The following AGBL3 variants were observed in gnomAD, a reference collection of about 807,000 sequenced individuals.
AGBL3 encodes the protein AGBL carboxypeptidase 3.
Under a neutral mutation model 94.5 loss-of-function variants are expected in AGBL3, and 68 were observed. That is an observed-to-expected ratio of 0.72 (90% CI 0.59 to 0.88). The LOEUF (loss-of-function observed/expected upper bound fraction) is 0.88. Among genes scored for constraint, AGBL3 ranks in the 40% least tolerant of loss-of-function variants. The probability of loss-of-function intolerance (pLI) is 0.00; values close to 1 mark genes in which losing one functional copy is unlikely to be tolerated. For missense variants in AGBL3, 934 were observed against 1,103.8 expected (o/e 0.85, Z 2.18); for synonymous variants, 354 against 370.7 (o/e 0.95, Z 0.52).
chr7:135,051,019 C>A (rs1316321090), intron 11 of AGBL3: 3 of 442,934 alleles, frequency 6.8e-6, no homozygotes, highest in Non-Finnish European at 9.0e-6. Context: ...TCACTACCCA[C>A]AGAGAACTGA....
At chr7:135,094,508 G>A in intron 15 of AGBL3, 1 of 456,644 alleles carries the variant, frequency 2.2e-6, no homozygotes, top group Non-Finnish European at 4.4e-6. Context: ...CTTGTCTGGA[G>A]CTTCATTTTT....
chr7:135,088,900 G>A (rs918273703), intron 15 of AGBL3, among the ~76,000 whole-genome samples: 8 of 152,074 alleles, frequency 5.3e-5, no homozygotes, highest in African/African-American at 1.7e-4. Flanking sequence ...TCCTGGATCT[G>A]GATCTCATAT....
At chr7:135,028,665 A>G (rs1815408260) in intron 5 of AGBL3, among the ~76,000 whole-genome samples, 1 of 152,152 alleles carries the variant, frequency 6.6e-6, no homozygotes, top group African/African-American at 2.4e-5. Flanking sequence ...TTCTGTTAAT[A>G]TTGGCATTTT....
intron 4 of AGBL3, among the ~76,000 whole-genome samples, chr7:135,012,683 A>G (rs1322737640): frequency 1.3e-5 from 2 of 152,150 alleles, no homozygotes; most frequent in South Asian, 2.1e-4. Flanking sequence ...AAGAAACCCA[A>G]TGAGGGTAAG....
In AGBL3 at chr7:135,034,410, T is replaced by C; in HGVS notation, c.819T>C (p.Asp273=). 6.4e-7 allele frequency: 1 copy of C among 1,551,730 alleles called. No individual in the cohort carries two copies. Among genetic ancestry groups the C allele is most frequent in the Non-Finnish European group, 8.7e-7 (1 of 1,146,990 alleles). ...ATTATAGGAACAACCCAGGCCAAGA[T>C]GGGCGCCATTATTTCTCTCTTACAT... ...IKYYRNNPGQ[D]GRHYFSLTWT... is the part of the protein sequence containing the mutation. Residue 273 remains aspartate (D), a synonymous_variant, in exon 7 of 17, where the codon GAT becomes GAC. Transcript: ENST00000436302.
At chr7:135,039,243 C>A (rs1816605327) in intron 8 of AGBL3, among the ~76,000 whole-genome samples, 1 of 151,984 alleles carries the variant, frequency 6.6e-6, no homozygotes, top group Non-Finnish European at 1.5e-5. Flanking sequence ...TAAACTAAAT[C>A]AATAAAAGAG....
Position 135,032,943 on chromosome 7 carries a change from C to A in AGBL3, c.518C>A (p.Ala173Glu). The change falls in exon 6 of 17, where the codon GCA (alanine) becomes GAA (glutamate). Residue 173 changes from alanine to glutamate, a missense_variant. Ala to Glu is a moderately radical substitution (Grantham distance 107). Transcript: ENST00000436302. ...DYRDNTLMFE[A>E]RFESGNLQKV... Reference sequence around the variant, plus strand: ...CGTGACAATACTTTGATGTTTGAAGCAAGGTTTGAGAGTGGTAATCTACAG... The same window carrying A: ...CGTGACAATACTTTGATGTTTGAAGAAAGGTTTGAGAGTGGTAATCTACAG... 1.5e-5 allele frequency: 24 copies of A among 1,551,374 alleles called. No homozygotes were observed. The highest frequency in any genetic ancestry group is 2.1e-5 in the Non-Finnish European group (24 of 1,146,674).
intron 4 of AGBL3, among the ~76,000 whole-genome samples, chr7:135,000,780 T>C (rs1811618567): frequency 6.6e-6 from 1 of 152,160 alleles, no homozygotes; most frequent in African/African-American, 2.4e-5. Flanking sequence ...ATCCGAACAA[T>C]TTCTGGTCCA....
chr7:135,103,860 T>C (rs1824233120), intron 15 of AGBL3, among the ~76,000 whole-genome samples: 1 of 152,188 alleles, frequency 6.6e-6, no homozygotes. Context: ...GTAATTTTCT[T>C]CAACTGCTTC....
chr7:135,102,624 G>GT (rs1293996441), intron 15 of AGBL3, among the ~76,000 whole-genome samples: 4 of 111,418 alleles, frequency 3.6e-5, no homozygotes, highest in Admixed American at 9.2e-5. Context: ...TTTCTCTTGT[G>GT]GTTTTTTTTT....
intron 7 of AGBL3, among the ~76,000 whole-genome samples, chr7:135,035,923 T>C (rs1816259028): frequency 6.6e-6 from 1 of 152,114 alleles, no homozygotes; most frequent in South Asian, 2.1e-4. Flanking sequence ...AGTGGCTTTA[T>C]ATCAATCTTA....
chr7:135,006,152 AGAG>A (rs1235261740), intron 4 of AGBL3, among the ~76,000 whole-genome samples: 2 of 151,894 alleles, frequency 1.3e-5, no homozygotes, highest in Non-Finnish European at 3.0e-5. Context: ...AATACAGTGA[AGAG>A]GAGGAAAAAC....
rs1042011940 is a variant in AGBL3 at position 135,081,778 on chromosome 7, A to T, written c.2098A>T (p.Asn700Tyr). ...TGATTATTTCAGAAGACAATTACCT[A>T]ATCAAGGTTTGGGTGAGTAAAATAG... is the stretch of plus-strand genomic sequence containing the variant. ...MVDYFRRQLP[N>Y]QGLDLHHNLK... is the part of the protein sequence containing the mutation. Residue 700 changes from asparagine to tyrosine, a missense_variant, in exon 15 of 17, where the codon AAT becomes TAT. Coordinates refer to ENST00000436302, the MANE Select transcript of AGBL3 (RefSeq NM_178563.4). 13 of 1,536,022 alleles carry T rather than the reference A, an allele frequency of 8.5e-6. No individual in the cohort carries two copies. Among genetic ancestry groups the T allele is most frequent in the Admixed American group, 7.9e-5 (4 of 50,846 alleles).
intron 5 of AGBL3, among the ~76,000 whole-genome samples, chr7:135,031,148 A>G (rs1815698595): frequency 1.3e-5 from 2 of 151,944 alleles, no homozygotes; most frequent in African/African-American, 4.8e-5. Context: ...GCTGAATTTT[A>G]TATGTATTCA....
At chr7:135,012,447 T>C (rs759397388) in intron 4 of AGBL3, 3 of 152,158 alleles carry the variant, frequency 2.0e-5, no homozygotes, top group Non-Finnish European at 4.4e-5. Flanking sequence ...GATAAATCAG[T>C]AAGCTGTAGT....
chr7:135,068,342 C>G (rs947297092), intron 12 of AGBL3, among the ~76,000 whole-genome samples: 1 of 152,178 alleles, frequency 6.6e-6, no homozygotes, highest in African/African-American at 2.4e-5. Flanking sequence ...CTTCCCCAAT[C>G]TAGCAAGGCG....
At position 135,034,811 on chromosome 7, in the gene AGBL3, G is replaced by A; in HGVS notation, c.1220G>A (p.Gly407Asp). 2 of 1,552,232 alleles carry A rather than the reference G, an allele frequency of 1.3e-6. No individual in the cohort carries two copies. Among genetic ancestry groups the A allele is most frequent in the South Asian group, 1.2e-5 (1 of 84,056 alleles). Residue 407 changes from glycine (G) to aspartate (D), a missense_variant, in exon 7 of 17, where the codon GGT (glycine) becomes GAT (aspartate). This residue lies in a region of AGBL3 where 488 missense variants were observed against 563.6 expected (regional missense o/e 0.87). Coordinates refer to ENST00000436302, the MANE Select transcript of AGBL3 (RefSeq NM_178563.4). ...FKVVPMLNPD[G>D]VIVGNYRCSL... Reference sequence around the variant, plus strand: ...GTGGTACCCATGCTCAATCCAGATGGTGTGATTGTGGGAAATTATCGCTGT... The same window carrying A: ...GTGGTACCCATGCTCAATCCAGATGATGTGATTGTGGGAAATTATCGCTGT...
chr7:135,015,334 G>T (rs1220561948), intron 4 of AGBL3, among the ~76,000 whole-genome samples: 1 of 152,108 alleles, frequency 6.6e-6, no homozygotes, highest in Non-Finnish European at 1.5e-5. Flanking sequence ...TACATTTAAG[G>T]AATATGTGGA....
intron 5 of AGBL3, 132 bp downstream of exon 5, chr7:135,017,291 A>C: frequency 1.5e-6 from 1 of 686,094 alleles, no homozygotes. Context: ...ATGTTTGTTT[A>C]TATATTGATC....
Sources: gnomAD v4.1 joint callset for allele counts (sites outside exome capture counted in the v4.1 genomes callset) on GRCh38, gnomAD v4.1.1 for gene constraint, gnomAD v4.1.1 regional missense constraint, MANE v1.5 for transcripts, NCBI Gene and HGNC (gene_info 2026-07-23, HGNC 2026-07-21) for gene names.